The following RAD51B variants were observed in gnomAD, a reference collection of about 807,000 sequenced individuals.
RAD51B encodes RAD51 paralog B.
In RAD51B, 38 loss-of-function variants were observed where a neutral mutation model predicts 42.2. The observed-to-expected ratio is 0.90, with a 90% CI of 0.70 to 1.18. The LOEUF (loss-of-function observed/expected upper bound fraction) is 1.18. RAD51B is among the 50% of genes most tolerant of loss of function. The pLI is 0.00. For synonymous variants in RAD51B, 154 were observed against 145.2 expected, an observed-to-expected ratio of 1.06 and a Z score of -0.43; for missense variants, 373 against 400.7, an observed-to-expected ratio of 0.93 and a Z score of 0.59.
At chr14:68,230,414 C>T (rs2080124800) in intron 7 of RAD51B, among the ~76,000 whole-genome samples, 1 of 152,152 alleles carries the variant, frequency 6.6e-6, no homozygotes, top group South Asian at 2.1e-4. Context: ...TGTTAAACAT[C>T]TTTATTGTTT....
intron 8 of RAD51B, among the ~76,000 whole-genome samples, chr14:68,310,274 C>T (rs964661919): frequency 6.6e-6 from 1 of 152,166 alleles, no homozygotes; most frequent in African/African-American, 2.4e-5. Context: ...ATACCCTGCT[C>T]ACTGTAGGAT....
At chr14:68,272,659 ATATATATTTTTTTTTTTTTT>A (rs2081136654) in intron 7 of RAD51B, among the ~76,000 whole-genome samples, 1 of 16,682 alleles carries the variant, frequency 6.0e-5, no homozygotes, top group African/African-American at 2.7e-4. Context: ...ATATATATAT[ATATATATTTTTTTTTTTTTT>A]TTTTTTTTTT....
intron 11 of RAD51B, among the ~76,000 whole-genome samples, chr14:68,659,460 T>C: frequency 6.6e-6 from 1 of 152,040 alleles, no homozygotes; most frequent in East Asian, 1.9e-4. Context: ...GCAAAGAATG[T>C]TGGGGAGGAG....
chr14:68,126,347 CA>C (rs1041521567), intron 7 of RAD51B, among the ~76,000 whole-genome samples: 1 of 151,128 alleles, frequency 6.6e-6, no homozygotes, highest in Non-Finnish European at 1.5e-5. Context: ...TTGTGTATGC[CA>C]AAAAAAAGTC....
Position 68,388,074 on chromosome 14 carries a change from G to A in RAD51B, c.854-23350G>A, listed in dbSNP as rs866296012. 6.1e-3 allele frequency among the ~76,000 whole-genome samples: 719 copies of A among 118,584 alleles called. 6 individuals are homozygous for A. Among genetic ancestry groups the A allele is most frequent in the African/African-American group, 0.024 (657 of 27,150 alleles). The allele number at this position is 118,584 out of a possible 152,430, so 77.8% of individuals were successfully genotyped here. Reference sequence around the variant, plus strand: ...TTGCATTGTGTGTGTGTGTGTGTGTGTGTGTATATATATATATATATTTTT... The same window carrying A: ...TTGCATTGTGTGTGTGTGTGTGTGTATGTGTATATATATATATATATTTTT... On this transcript the variant is annotated intron_variant, in intron 8 of 10. Coordinates refer to ENST00000471583, the MANE Select transcript of RAD51B (RefSeq NM_133510.4).
At chr14:68,567,586 A>C (rs1301419124) in intron 10 of RAD51B, among the ~76,000 whole-genome samples, 4 of 152,218 alleles carry the variant, frequency 2.6e-5, no homozygotes, top group Non-Finnish European at 5.9e-5. Context: ...TGTATCCACC[A>C]CTACAGTATC....
chr14:68,167,124 T>C (rs1446751076), intron 7 of RAD51B, among the ~76,000 whole-genome samples: 2 of 152,218 alleles, frequency 1.3e-5, no homozygotes, highest in Admixed American at 6.6e-5. Flanking sequence ...TTTAGTGGTT[T>C]CTTGTGTGCT....
chr14:68,145,354 G>T (rs1322997741), intron 7 of RAD51B, among the ~76,000 whole-genome samples: 3 of 152,172 alleles, frequency 2.0e-5, no homozygotes, highest in Non-Finnish European at 4.4e-5. Flanking sequence ...TGAATATCTT[G>T]TTCTGCCACC....
intron 10 of RAD51B, among the ~76,000 whole-genome samples, chr14:68,645,632 T>C (rs1225309316): frequency 6.6e-6 from 1 of 152,158 alleles, no homozygotes; most frequent in East Asian, 1.9e-4. Context: ...TGTACAACAG[T>C]TTCAATGTCT....
chr14:68,199,861 G>T (rs763097243), intron 7 of RAD51B, among the ~76,000 whole-genome samples: 5 of 152,170 alleles, frequency 3.3e-5, no homozygotes, highest in Admixed American at 2.6e-4. Flanking sequence ...GCACTGTAGC[G>T]TTGTCTGGCA....
At chr14:67,974,760 T>G (rs545998367) in intron 7 of RAD51B, among the ~76,000 whole-genome samples, 2 of 152,294 alleles carry the variant, frequency 1.3e-5, no homozygotes, top group South Asian at 4.1e-4. Flanking sequence ...TTTTCCCTAC[T>G]CATTCTCTTT....
chr14:68,460,029 T>C (rs750383135), intron 9 of RAD51B, among the ~76,000 whole-genome samples: 1 of 152,196 alleles, frequency 6.6e-6, no homozygotes, highest in Non-Finnish European at 1.5e-5. Flanking sequence ...CAGTGCCAGC[T>C]TACCCTCAGC....
intron 3 of RAD51B, among the ~76,000 whole-genome samples, chr14:67,826,690 T>C (rs1275677397): frequency 1.3e-5 from 2 of 151,904 alleles, no homozygotes; most frequent in African/African-American, 2.4e-5. Flanking sequence ...TTCTTTCTTT[T>C]TTTTTTTTTT....
At chr14:68,157,708 C>T (rs1196406080) in intron 7 of RAD51B, among the ~76,000 whole-genome samples, 1 of 152,114 alleles carries the variant, frequency 6.6e-6, no homozygotes, top group African/African-American at 2.4e-5. Context: ...TGAATAAAAA[C>T]AATAATAATG....
intron 7 of RAD51B, among the ~76,000 whole-genome samples, chr14:67,940,216 G>A (rs982989352): frequency 2.7e-5 from 4 of 150,102 alleles, no homozygotes; most frequent in African/African-American, 9.8e-5. Flanking sequence ...TGGGATCACA[G>A]GTGCCTGCCA....
intron 8 of RAD51B, among the ~76,000 whole-genome samples, chr14:68,384,991 C>T (rs980859930): frequency 6.6e-6 from 1 of 152,116 alleles, no homozygotes; most frequent in South Asian, 2.1e-4. Context: ...TTACACAGCA[C>T]GACGACAGAG....
intron 9 of RAD51B, among the ~76,000 whole-genome samples, chr14:68,448,314 A>C (rs189244844): frequency 1.6e-3 from 241 of 152,324 alleles, no homozygotes; most frequent in Non-Finnish European, 2.9e-3. Flanking sequence ...TGACCAGAAT[A>C]ATCTGAGAAA....
At chr14:68,244,346 T>C (rs1363973518) in intron 7 of RAD51B, among the ~76,000 whole-genome samples, 3 of 152,196 alleles carry the variant, frequency 2.0e-5, no homozygotes, top group East Asian at 3.8e-4. Context: ...GCCCAAGAAC[T>C]TGGAACAGAT....
intron 7 of RAD51B, among the ~76,000 whole-genome samples, chr14:67,976,069 G>A (rs1272133956): frequency 3.3e-5 from 5 of 151,010 alleles, no homozygotes; most frequent in African/African-American, 7.3e-5. Context: ...GGACTTTTCT[G>A]GCCCACTCCA....
Sources: gnomAD v4.1 joint callset for allele counts (sites outside exome capture counted in the v4.1 genomes callset) on GRCh38, gnomAD v4.1.1 for gene constraint, MANE v1.5 for transcripts, NCBI Gene and HGNC (gene_info 2026-07-23, HGNC 2026-07-21) for gene names.